The following AKR1E2 variants were observed in gnomAD, a reference collection of about 807,000 sequenced individuals.
AKR1E2 encodes 1,5-anhydro-D-fructose reductase.
In AKR1E2, 43 loss-of-function variants were observed where a neutral mutation model predicts 41.9. The ratio of observed to expected loss-of-function variants is 1.03; its 90% CI spans 0.80 to 1.32. AKR1E2 has a LOEUF of 1.32. AKR1E2 is among the 40% of genes most tolerant of loss of function. AKR1E2 has a pLI of 0.00. For missense variants in AKR1E2, 423 were observed against 396.5 expected (o/e 1.07, Z -0.57); for synonymous variants, 121 against 138.9 (o/e 0.87, Z 0.91).
chr10:4,854,342 T>C, the AKR1E2 span, among the ~76,000 whole-genome samples: 1 of 152,162 alleles, frequency 6.6e-6, no homozygotes, highest in Non-Finnish European at 1.5e-5. Context: ...TCTGCCCACC[T>C]TGGCCTCCCA....
At chr10:4,864,657 G>A in the AKR1E2 span, among the ~76,000 whole-genome samples, 1 of 152,138 alleles carries the variant, frequency 6.6e-6, no homozygotes, top group South Asian at 2.1e-4. Flanking sequence ...TAGGAAAAGA[G>A]GAAGTCAAAT....
chr10:4,833,946 T>G (rs941765417), intron 3 of AKR1E2, among the ~76,000 whole-genome samples: 5 of 152,162 alleles, frequency 3.3e-5, no homozygotes, highest in Admixed American at 2.6e-4. Context: ...TTCCACTTGG[T>G]TTTATTCTCT....
intron 7 of AKR1E2, 133 bp from the exon 8 acceptor site, chr10:4,842,288 G>A (rs1588472730): frequency 1.4e-6 from 1 of 725,114 alleles, no homozygotes; most frequent in African/African-American, 1.7e-5. Context: ...GCTGCTCAGT[G>A]AATGCCAGTA....
chr10:4,868,983 G>T, the AKR1E2 span, among the ~76,000 whole-genome samples: 1 of 151,912 alleles, frequency 6.6e-6, no homozygotes, highest in Non-Finnish European at 1.5e-5. Context: ...GAGAGATATT[G>T]TTCTTAGTTT....
the AKR1E2 span, among the ~76,000 whole-genome samples, chr10:4,855,323 C>A: frequency 0.26 from 39,254 of 152,100 alleles, 5,263 homozygotes; most frequent in Middle Eastern, 0.37. Context: ...GTGTGTCTTT[C>A]TGTATTGTTC....
intron 8 of AKR1E2, among the ~76,000 whole-genome samples, chr10:4,844,626 G>A (rs1444852909): frequency 6.6e-6 from 1 of 151,138 alleles, no homozygotes; most frequent in Non-Finnish European, 1.5e-5. Flanking sequence ...CACTAGATTA[G>A]CTAGATACAG....
chr10:4,826,381 AGGGAGGCGCGCCTGACCTAG>A lies in AKR1E2; in HGVS notation c.39+24_39+43del, dbSNP rs1832505757. 1.6e-6 allele frequency: 2 copies of A among 1,233,390 alleles called. No homozygotes were observed. Among genetic ancestry groups the A allele is most frequent in the Non-Finnish European group, 2.0e-6 (2 of 987,124 alleles). 76.4% of individuals were successfully genotyped at this position (1,233,390 alleles called of 1,614,324 possible). On this transcript the variant is annotated intron_variant, in intron 1 of 9. Transcript: ENST00000298375. The stretch of plus-strand genomic sequence containing the variant: ...CCTGGAAGGTGACGCGGTCGCGGGC[AGGGAGGCGCGCCTGACCTAG>A]GGGAGCGCGGGACTTGGGGGCGCCC...
Position 4,833,342 on chromosome 10 carries a change from C to A in AKR1E2, c.208-8C>A. 1 of 1,612,284 alleles carries A rather than the reference C, an allele frequency of 6.2e-7. No individual in the cohort carries two copies. The highest frequency in any genetic ancestry group is 2.2e-5 in the East Asian group (1 of 44,860). Reference sequence around the variant, plus strand: ...GCACGTGTGACGCTGGTCCCCTCTCCTTTGTAGCTGTGGTGCACCTGCCAT... The same window carrying A: ...GCACGTGTGACGCTGGTCCCCTCTCATTTGTAGCTGTGGTGCACCTGCCAT... On this transcript the variant is annotated splice_region_variant and splice_polypyrimidine_tract_variant and intron_variant, in intron 2 of 9. Transcript: ENST00000298375.
chr10:4,831,117 A>T (rs1046123569), intron 2 of AKR1E2, among the ~76,000 whole-genome samples: 3 of 152,238 alleles, frequency 2.0e-5, no homozygotes, highest in African/African-American at 7.2e-5. Context: ...TACAGTGGTG[A>T]ATAGGACAAA....
rs1833721378 is a variant in AKR1E2, at chr10:4,839,742, C to T, written c.596C>T (p.Pro199Leu). 1 of 1,613,770 alleles carries T rather than the reference C, an allele frequency of 6.2e-7. No individual in the cohort carries two copies. Among genetic ancestry groups the T allele is most frequent in the Non-Finnish European group, 8.5e-7 (1 of 1,179,746 alleles). The change falls in exon 6 of 10, where the codon CCA (proline) becomes CTA (leucine). Residue 199 changes from proline (P) to leucine (L), a missense_variant. Physicochemically the swap from Pro to Leu is moderately conservative, Grantham distance 98. Coordinates refer to ENST00000298375, the MANE Select transcript of AKR1E2 (RefSeq NM_001040177.3). ...KPLTNQIECH[P>L]YLTQKNLISF... ...ATTCTGTTATAGATTGAGTGCCACC[C>T]ATATCTTACTCAGAAGAATCTGATC...
the AKR1E2 span, among the ~76,000 whole-genome samples, chr10:4,857,150 A>G: frequency 1.1e-3 from 168 of 152,286 alleles, no homozygotes; most frequent in African/African-American, 3.7e-3. Flanking sequence ...TTCAAGACTC[A>G]TCCATAATTC....
At position 4,839,835 on chromosome 10, in the gene AKR1E2, A is replaced by G; in HGVS notation, c.680+9A>G. ...CCTCTTGGTGGCTCGTGGTAAGGATACCTCAGTGGTGTGTTAGTCAGAGTC... is the reference window on the plus strand; with the variant it reads ...CCTCTTGGTGGCTCGTGGTAAGGATGCCTCAGTGGTGTGTTAGTCAGAGTC... On this transcript the variant is annotated intron_variant, in intron 6 of 9. Transcript: ENST00000298375. The G allele has an allele frequency of 1.2e-6, 2 of 1,611,168 alleles. No homozygotes were observed. Among genetic ancestry groups the G allele is most frequent in the South Asian group, 2.2e-5 (2 of 91,008 alleles).
rs527930700 is a variant in AKR1E2 at position 4,832,421 on chromosome 10, G to A, written c.208-929G>A. On this transcript the variant is annotated intron_variant, in intron 2 of 9. Coordinates refer to ENST00000298375, the MANE Select transcript of AKR1E2 (RefSeq NM_001040177.3). ...AGCCTTGGTGTGTGCTTGGCCAAGC[G>A]GGGAGAATGTCTTCTGAATAGTCCA... Among the ~76,000 whole-genome samples, 27 of 152,266 alleles carry A rather than the reference G, an allele frequency of 1.8e-4. No homozygotes were observed. The East Asian group carries it at 3.9e-3, about 22-fold the overall frequency.
chr10:4,857,160 C>A, the AKR1E2 span, among the ~76,000 whole-genome samples: 1 of 152,186 alleles, frequency 6.6e-6, no homozygotes, highest in African/African-American at 2.4e-5. Flanking sequence ...ATCCATAATT[C>A]ATTAGTTCAC....
the AKR1E2 span, among the ~76,000 whole-genome samples, chr10:4,855,124 G>A: frequency 6.0e-4 from 91 of 152,252 alleles, no homozygotes; most frequent in African/African-American, 2.0e-3. Flanking sequence ...CTTTGGGTGG[G>A]TCTTTCTCTG....
chr10:4,860,066 GCTGA>G, the AKR1E2 span, among the ~76,000 whole-genome samples: 1 of 152,146 alleles, frequency 6.6e-6, no homozygotes, highest in East Asian at 1.9e-4. Context: ...ACTGTCAGGA[GCTGA>G]CTATTATATT....
chr10:4,827,397 G>GT (rs1343005321), intron 1 of AKR1E2, among the ~76,000 whole-genome samples: 1 of 141,986 alleles, frequency 7.0e-6, no homozygotes, highest in Non-Finnish European at 1.6e-5. Context: ...CTAGTGCGCA[G>GT]TAAGTCTTAA....
At chr10:4,866,773 T>C in the AKR1E2 span, among the ~76,000 whole-genome samples, 1 of 151,334 alleles carries the variant, frequency 6.6e-6, no homozygotes, top group Non-Finnish European at 1.5e-5. Context: ...GGGAAGCCAG[T>C]GAGCCAGGAG....
chr10:4,825,366 A>C (rs1832392331), upstream of AKR1E2, among the ~76,000 whole-genome samples: 2 of 152,208 alleles, frequency 1.3e-5, no homozygotes, highest in South Asian at 2.1e-4. Context: ...TGTAAGCTCC[A>C]GGAGAGATAA....
Sources: gnomAD v4.1 joint callset for allele counts (sites outside exome capture counted in the v4.1 genomes callset) on GRCh38, gnomAD v4.1.1 for gene constraint, MANE v1.5 for transcripts, NCBI Gene and HGNC (gene_info 2026-07-23, HGNC 2026-07-21) for gene names.